Variants in SCAI observed in about 807,000 individuals in gnomAD.
SCAI encodes protein SCAI.
SCAI carries 24 observed loss-of-function variants against 92.2 expected under a neutral mutation model. The ratio of observed to expected loss-of-function variants is 0.26; its 90% CI spans 0.19 to 0.37. SCAI has a LOEUF of 0.37. Among genes scored for constraint, SCAI ranks in the 10% least tolerant of loss-of-function variants. The pLI, the probability that SCAI is intolerant of heterozygous loss-of-function variation, is 1.00. For missense variants in SCAI, 450 were observed against 736.2 expected (o/e 0.61, Z 4.50); for synonymous variants, 261 against 258.6 (o/e 1.01, Z -0.09).
At chr9:125,122,933 A>T in intron 2 of SCAI, among the ~76,000 whole-genome samples, 1 of 152,336 alleles carries the variant, frequency 6.6e-6, no homozygotes, top group South Asian at 2.1e-4. Context: ...GTAAAATTTT[A>T]AAAACCTGTT....
intron 3 of SCAI, among the ~76,000 whole-genome samples, chr9:125,033,246 T>C (rs573884245): frequency 3.3e-5 from 5 of 151,898 alleles, no homozygotes; most frequent in Non-Finnish European, 7.4e-5. Context: ...AAGGTACATA[T>C]TGGAAGGCTT....
chr9:125,020,471 T>C (rs1418831484), intron 7 of SCAI, among the ~76,000 whole-genome samples: 3 of 152,222 alleles, frequency 2.0e-5, no homozygotes, highest in Non-Finnish European at 4.4e-5. Context: ...GGAATCAAGA[T>C]AATTATCTCA....
At chr9:125,103,732 A>G (rs1179512353) in intron 2 of SCAI, among the ~76,000 whole-genome samples, 31 of 152,202 alleles carry the variant, frequency 2.0e-4, no homozygotes. Context: ...ATTTCTCCTC[A>G]AAATTCAATT....
rs191581265 is a variant in SCAI, at chr9:124,974,073, G to A, written c.1399+2041C>T. 351 of 252,722 alleles carry A rather than the reference G, an allele frequency of 1.4e-3. 1 individual carries two copies. The highest frequency in any genetic ancestry group is 7.7e-3 in the African/African-American group (330 of 42,704). The allele number at this position is 252,722 out of a possible 1,614,324, so 15.7% of individuals were successfully genotyped here. ...CTCTTGTGAATCACTTATAATAACC[G>A]CCCATCAGGCTCTGTCTATCTGCCA... On this transcript the variant is annotated intron_variant, in intron 15 of 17. Coordinates refer to ENST00000336505, the MANE Select transcript of SCAI (RefSeq NM_001144877.3).
Position 125,143,461 on chromosome 9 carries a change from G to C in SCAI, c.-24C>G. On this transcript the variant is annotated 5_prime_UTR_variant, in exon 1 of 18. Coordinates refer to ENST00000336505, the MANE Select transcript of SCAI (RefSeq NM_001144877.3). Reference sequence around the variant, plus strand: ...ATCCGGCTCCTGCTCCGCCGCGGGAGCTGCTCCGGCGGCCGCAGGGCTCGC... The same window carrying C: ...ATCCGGCTCCTGCTCCGCCGCGGGACCTGCTCCGGCGGCCGCAGGGCTCGC... 7.5e-7 allele frequency: 1 copy of C among 1,341,860 alleles called. No homozygotes were observed. The highest frequency in any genetic ancestry group is 9.6e-7 in the Non-Finnish European group (1 of 1,045,642). 83.1% of individuals were successfully genotyped at this position (1,341,860 alleles called of 1,614,324 possible).
intron 3 of SCAI, among the ~76,000 whole-genome samples, chr9:125,033,847 T>C (rs559193115): frequency 1.3e-5 from 2 of 152,030 alleles, no homozygotes; most frequent in Non-Finnish European, 2.9e-5. Context: ...CATACAGAAA[T>C]AAAAAGAGAG....
At chr9:125,119,196 G>A (rs574256563) in intron 2 of SCAI, among the ~76,000 whole-genome samples, 12 of 152,236 alleles carry the variant, frequency 7.9e-5, no homozygotes, top group African/African-American at 2.4e-4. Context: ...CCAATATTTT[G>A]TGGCAGGTAA....
rs780104670 is a variant in SCAI at position 124,999,904 on chromosome 9, T to C, written c.1231A>G (p.Lys411Glu). 3.2e-6 allele frequency: 5 copies of C among 1,557,926 alleles called. No homozygotes were observed. Among genetic ancestry groups the C allele is most frequent in the Non-Finnish European group, 4.4e-6 (5 of 1,134,908 alleles). The change falls in exon 13 of 18, where the codon AAG (lysine) becomes GAG (glutamate). Residue 411 changes from lysine to glutamate, a missense_variant. Around this residue, in one of 3 missense-constraint regions of SCAI, gnomAD observed 360 missense variants for 601.8 expected, o/e 0.60. Coordinates refer to ENST00000336505, the MANE Select transcript of SCAI (RefSeq NM_001144877.3). ...DAIHKRNQSHKEMHCLHPGDL... is the reference protein window; with the variant it reads ...DAIHKRNQSHEEMHCLHPGDL... ...CAGAATACATACCAGTGCATTTCCT[T>C]GTGGGACTGATTTCGTTTGTGGATG...
chr9:125,013,778 C>T (rs1468550504), intron 9 of SCAI, among the ~76,000 whole-genome samples: 1 of 152,146 alleles, frequency 6.6e-6, no homozygotes, highest in Non-Finnish European at 1.5e-5. Flanking sequence ...CAAAAATCCT[C>T]AATAAAATAC....
At chr9:125,029,476 GT>G (rs1833028508) in intron 4 of SCAI, among the ~76,000 whole-genome samples, 167 bp downstream of exon 4, 1 of 152,040 alleles carries the variant, frequency 6.6e-6, no homozygotes, top group African/African-American at 2.4e-5. Context: ...TTTCATTTGG[GT>G]TATAAAGATG....
chr9:125,119,725 C>G (rs976075288), intron 2 of SCAI, among the ~76,000 whole-genome samples: 1 of 152,186 alleles, frequency 6.6e-6, no homozygotes, highest in Admixed American at 6.5e-5. Context: ...TTGACAGGAA[C>G]AACTCATCTC....
intron 2 of SCAI, among the ~76,000 whole-genome samples, chr9:125,131,780 G>A (rs1255617971): frequency 2.0e-5 from 3 of 152,162 alleles, no homozygotes; most frequent in African/African-American, 7.2e-5. Flanking sequence ...ATGTTGCTGA[G>A]GCAAACCTAC....
chr9:125,046,606 T>C (rs1261516111), intron 3 of SCAI, among the ~76,000 whole-genome samples: 2 of 150,356 alleles, frequency 1.3e-5, no homozygotes, highest in Admixed American at 6.6e-5. Flanking sequence ...ACAGTGTATA[T>C]TGCTTGGGTG....
At chr9:124,959,199 T>C (rs189963136) in intron 17 of SCAI, among the ~76,000 whole-genome samples, 45 of 149,638 alleles carry the variant, frequency 3.0e-4, no homozygotes, top group African/African-American at 1.1e-3. Context: ...ATGGCACATG[T>C]ATACATATGT....
intron 2 of SCAI, among the ~76,000 whole-genome samples, chr9:125,122,899 C>T (rs942513385): frequency 6.6e-6 from 1 of 152,002 alleles, no homozygotes; most frequent in Non-Finnish European, 1.5e-5. Flanking sequence ...GGAGTGAGAC[C>T]CTGTCTCAAA....
Position 124,948,977 on chromosome 9 carries a change from C to A in SCAI, c.*3830G>T, listed in dbSNP as rs995321349. 35 of 152,336 alleles carry A rather than the reference C, an allele frequency of 2.3e-4. No individual in the cohort carries two copies. The highest frequency in any genetic ancestry group is 8.2e-4 in the African/African-American group (34 of 41,572). The allele number at this position is 152,336 out of a possible 1,614,324, so 9.4% of individuals were successfully genotyped here. A position where few individuals can be genotyped will look rare whatever the true frequency, so the allele number is the denominator to read the frequency against. On this transcript the variant is annotated 3_prime_UTR_variant, in exon 18 of 18. Coordinates refer to ENST00000336505, the MANE Select transcript of SCAI (RefSeq NM_001144877.3). ...TCTTTGCCACTATCATCAGCTCAAG[C>A]CCATTGGGCAACTGTCCTTTTAGAT...
chr9:125,027,034 T>C, intron 5 of SCAI, 124 bp from the exon 6 acceptor site: 1 of 466,162 alleles, frequency 2.1e-6, no homozygotes, highest in Non-Finnish European at 3.8e-6. Flanking sequence ...ATGACTGTCC[T>C]AAATTTGAAT....
chr9:125,022,219 T>G (rs1588157732), intron 6 of SCAI, among the ~76,000 whole-genome samples: 1 of 152,204 alleles, frequency 6.6e-6, no homozygotes, highest in Admixed American at 6.5e-5. Context: ...GCTACGTTAT[T>G]AGGTATATAT....
intron 2 of SCAI, among the ~76,000 whole-genome samples, chr9:125,109,042 T>C (rs1265581397): frequency 6.6e-6 from 1 of 152,248 alleles, no homozygotes; most frequent in African/African-American, 2.4e-5. Flanking sequence ...GGGATGCTGT[T>C]GATCTATCAC....
Sources: gnomAD v4.1 joint callset for allele counts (sites outside exome capture counted in the v4.1 genomes callset) on GRCh38, gnomAD v4.1.1 for gene constraint, gnomAD v4.1.1 regional missense constraint, MANE v1.5 for transcripts, NCBI Gene and HGNC (gene_info 2026-07-23, HGNC 2026-07-21) for gene names.